SAP130: variants seen among roughly 807,000 people sequenced by gnomAD.
The protein encoded by SAP130 is Sin3A associated protein 130.
Under a neutral mutation model 103.2 loss-of-function variants are expected in SAP130, and 16 were observed. The ratio of observed to expected loss-of-function variants is 0.16; its 90% confidence interval spans 0.10 to 0.24. The LOEUF (loss-of-function observed/expected upper bound fraction) is 0.24. Among genes scored for constraint, SAP130 ranks in the 10% least tolerant of loss-of-function variants. The pLI is 1.00. For synonymous variants in SAP130, 477 were observed against 497.0 expected (o/e 0.96, Z 0.53); for missense variants, 990 against 1,359.7 (o/e 0.73, Z 4.28).
intron 15 of SAP130, among the ~76,000 whole-genome samples, chr2:127,960,321 A>T (rs951511404): frequency 6.6e-6 from 1 of 152,180 alleles, no homozygotes; most frequent in Non-Finnish European, 1.5e-5. Flanking sequence ...GGCACCAGGA[A>T]CAACAGCTGG....
At chr2:128,000,174 A>T (rs750721332) in intron 8 of SAP130, 28 bp from the exon 9 acceptor site, 2 of 1,611,964 alleles carry the variant, frequency 1.2e-6, no homozygotes, top group Non-Finnish European at 1.7e-6. Flanking sequence ...CAACACAGTT[A>T]TAAGAACATT....
chr2:127,973,276 A>C (rs1302695809), intron 15 of SAP130, among the ~76,000 whole-genome samples: 3 of 152,208 alleles, frequency 2.0e-5, no homozygotes, highest in Admixed American at 1.3e-4. Context: ...CTTGTTGCCC[A>C]GGCTGGAGTG....
intron 12 of SAP130, 144 bp downstream of exon 12, chr2:127,993,043 C>A: frequency 1.9e-6 from 2 of 1,054,194 alleles, no homozygotes; most frequent in Non-Finnish European, 2.8e-6. Flanking sequence ...TTATTTAAGA[C>A]CTTCAAGCTT....
At chr2:128,020,244 C>T (rs985261508) in intron 2 of SAP130, among the ~76,000 whole-genome samples, 4 of 152,084 alleles carry the variant, frequency 2.6e-5, no homozygotes, top group African/African-American at 9.7e-5. Context: ...ACTGAATAAA[C>T]CTGAGTAAAT....
At chr2:127,975,985 C>T (rs1681434324) in intron 15 of SAP130, among the ~76,000 whole-genome samples, 1 of 152,176 alleles carries the variant, frequency 6.6e-6, no homozygotes, top group South Asian at 2.1e-4. Flanking sequence ...GCTGGGACTA[C>T]AGGCACCCGC....
At chr2:127,983,529 C>A (rs896371042) in intron 14 of SAP130, among the ~76,000 whole-genome samples, 1 of 152,146 alleles carries the variant, frequency 6.6e-6, no homozygotes, top group African/African-American at 2.4e-5. Context: ...CTTTAGACAG[C>A]TGCAGGGCAA....
rs935252562 is a variant in SAP130 at position 127,989,267 on chromosome 2, T to A, written c.1780+297A>T. On this transcript the variant is annotated intron_variant, in intron 13 of 20. Transcript: ENST00000643581. This position sits in a 1 kb window ranked among gnomAD's most constrained non-coding sequence, Gnocchi z 4.6. ...GCCCCCGCCACCACGCCTGGCTAAT[T>A]TTTTTGTATTTTTAGTAGACAGGGT... 1.1e-4 allele frequency among the ~76,000 whole-genome samples: 17 copies of A among 151,810 alleles called. No homozygotes were observed. Among genetic ancestry groups the A allele is most frequent in the African/African-American group, 3.6e-4 (15 of 41,312 alleles).
In SAP130 at chr2:127,982,658, T is replaced by C. The variant is rs577851472; in HGVS notation, c.1958+4127A>G. The stretch of plus-strand genomic sequence containing the variant: ...CGTCTGCGAGGCTAAGCAAGACCAG[T>C]TGGCAAAGTGGCTTTCCCTGCTGCA... On this transcript the variant is annotated intron_variant, in intron 14 of 20. Transcript: ENST00000643581. Among the ~76,000 whole-genome samples the C allele has an allele frequency of 1.1e-4, 17 of 152,318 alleles. No individual in the cohort carries two copies. In the East Asian group the frequency reaches 2.3e-3, roughly 21 times the overall value.
intron 15 of SAP130, among the ~76,000 whole-genome samples, chr2:127,964,236 G>A (rs1266522954): frequency 3.9e-5 from 6 of 152,098 alleles, no homozygotes; most frequent in African/African-American, 1.4e-4. Context: ...GCTCACGCCT[G>A]TAATCCCAGC....
At chr2:127,966,473 C>T (rs563115845) in intron 15 of SAP130, among the ~76,000 whole-genome samples, 3 of 151,958 alleles carry the variant, frequency 2.0e-5, no homozygotes, top group Non-Finnish European at 4.4e-5. Context: ...GAGGCCGAGG[C>T]GGGCAGATCA....
At chr2:127,976,576 C>T (rs945232653) in intron 15 of SAP130, among the ~76,000 whole-genome samples, 5 of 152,004 alleles carry the variant, frequency 3.3e-5, no homozygotes, top group Admixed American at 2.0e-4. Flanking sequence ...AGTAAAAGTG[C>T]GAGACATAAA....
chr2:128,017,414 A>C (rs1316804453), intron 3 of SAP130, among the ~76,000 whole-genome samples: 2 of 152,180 alleles, frequency 1.3e-5, no homozygotes, highest in Non-Finnish European at 2.9e-5. Flanking sequence ...TCAAGATTGT[A>C]TCTAACTTAA....
At chr2:127,987,912 G>C (rs1344979142) in intron 13 of SAP130, among the ~76,000 whole-genome samples, 3 of 152,164 alleles carry the variant, frequency 2.0e-5, no homozygotes, top group African/African-American at 7.2e-5. Flanking sequence ...AAATACCTGT[G>C]TTTGACAGTT....
At chr2:128,027,025 T>C in intron 1 of SAP130, 1 of 1,309,164 alleles carries the variant, frequency 7.6e-7, no homozygotes, top group Non-Finnish European at 1.0e-6. Flanking sequence ...GACCCCCGTC[T>C]CCGGGGTGGG....
chr2:127,945,624 G>C (rs571913328), intron 18 of SAP130, 65 bp from the exon 19 acceptor site: 2 of 1,026,160 alleles, frequency 1.9e-6, no homozygotes, highest in Middle Eastern at 2.0e-4. Flanking sequence ...ATTTGTGTTC[G>C]AGCAGTGTAA....
intron 10 of SAP130, 142 bp downstream of exon 10, chr2:127,999,599 A>G (rs1298717128): frequency 4.4e-6 from 2 of 453,978 alleles, no homozygotes; most frequent in African/African-American, 4.0e-5. Context: ...GTGAGACTTA[A>G]GGAAAGAAAA....
At chr2:127,954,742 T>C (rs1253796818) in intron 16 of SAP130, among the ~76,000 whole-genome samples, 1 of 152,238 alleles carries the variant, frequency 6.6e-6, no homozygotes, top group Non-Finnish European at 1.5e-5. Flanking sequence ...TGGGGAAATA[T>C]TAATCTCTTT....
At chr2:127,978,163 A>G in intron 14 of SAP130, 74 bp from the exon 15 acceptor site, 1 of 1,089,412 alleles carries the variant, frequency 9.2e-7, no homozygotes, top group South Asian at 1.3e-5. Flanking sequence ...CAGGATGCAC[A>G]TTTGCCAGGC....
chr2:127,941,890 A>G lies in SAP130; in HGVS notation c.*116T>C. ...ATGGGTTCCTCTGCTTTCACACGGG[A>G]ACTAAGGAACACTTCCTTTATTTCA... On this transcript the variant is annotated 3_prime_UTR_variant, in exon 21 of 21. Transcript: ENST00000643581. 1.1e-6 allele frequency: 1 copy of G among 922,422 alleles called. No homozygotes were observed. The highest frequency in any genetic ancestry group is 1.7e-6 in the Non-Finnish European group (1 of 593,768). 57.1% of individuals were successfully genotyped at this position (922,422 alleles called of 1,614,324 possible).
Sources: allele counts gnomAD v4.1 joint callset (sites outside exome capture counted in the v4.1 genomes callset), GRCh38; gene constraint gnomAD v4.1.1; non-coding constraint Gnocchi (gnomAD v3.1); transcripts MANE v1.5; gene names NCBI Gene and HGNC (gene_info 2026-07-23, HGNC 2026-07-21).